The following H2BN1 variants were observed in gnomAD, a reference collection of about 807,000 sequenced individuals.
H2BN1 encodes histone H2B.N.
At chr17:32,904,994 A>G in the H2BN1 span, among the ~76,000 whole-genome samples, 1 of 152,174 alleles carries the variant, frequency 6.6e-6, no homozygotes, top group African/African-American at 2.4e-5. Flanking sequence ...TCTAATGGAG[A>G]AAAAATTAAG....
chr17:32,896,312 C>T, the H2BN1 span, among the ~76,000 whole-genome samples: 3 of 152,142 alleles, frequency 2.0e-5, no homozygotes, highest in African/African-American at 7.2e-5. Flanking sequence ...GATCAGTTTT[C>T]GTCAAATGAT....
At chr17:32,898,106 A>C in the H2BN1 span, among the ~76,000 whole-genome samples, 1 of 151,958 alleles carries the variant, frequency 6.6e-6, no homozygotes, top group African/African-American at 2.4e-5. Context: ...TGTGGACCCC[A>C]AAAATCTGAG....
the H2BN1 span, among the ~76,000 whole-genome samples, chr17:32,902,878 T>C: frequency 6.6e-6 from 1 of 152,080 alleles, no homozygotes. Flanking sequence ...AAGATCATTC[T>C]GTTTTTGGGC....
chr17:32,895,854 G>A, the H2BN1 span, among the ~76,000 whole-genome samples: 1 of 152,088 alleles, frequency 6.6e-6, no homozygotes, highest in Non-Finnish European at 1.5e-5. Context: ...TGTCTCTCTC[G>A]CTCTCGTATC....
At chr17:32,901,907 CT>C in the H2BN1 span, among the ~76,000 whole-genome samples, 1 of 151,950 alleles carries the variant, frequency 6.6e-6, no homozygotes, top group Non-Finnish European at 1.5e-5. Context: ...GATCATTATA[CT>C]TTCTCTTTAA....
the H2BN1 span, among the ~76,000 whole-genome samples, chr17:32,901,385 T>C: frequency 4.6e-5 from 7 of 152,214 alleles, no homozygotes; most frequent in African/African-American, 1.7e-4. Flanking sequence ...ATAGGGAAAC[T>C]GAACTTATTT....
At chr17:32,896,299 A>G in the H2BN1 span, among the ~76,000 whole-genome samples, 3 of 152,200 alleles carry the variant, frequency 2.0e-5, no homozygotes, top group Non-Finnish European at 2.9e-5. Context: ...GAAGAGTGGC[A>G]TAGATCAGTT....
chr17:32,906,025 TTTATTA>T, the H2BN1 span, among the ~76,000 whole-genome samples: 1 of 152,106 alleles, frequency 6.6e-6, no homozygotes, highest in Non-Finnish European at 1.5e-5. Flanking sequence ...CTTTAGGTGG[TTTATTA>T]TTATTTTTTA....
the H2BN1 span, among the ~76,000 whole-genome samples, chr17:32,903,530 G>GT: frequency 1.3e-5 from 2 of 152,106 alleles, no homozygotes; most frequent in African/African-American, 2.4e-5. Context: ...ACACCTTATA[G>GT]TTTTTACTTC....
chr17:32,896,905 G>A, the H2BN1 span, among the ~76,000 whole-genome samples: 3 of 152,188 alleles, frequency 2.0e-5, no homozygotes, highest in Non-Finnish European at 4.4e-5. Flanking sequence ...AGAGCCTGTA[G>A]GGCTGGTAGG....
chr17:32,895,859 C>T, the H2BN1 span, among the ~76,000 whole-genome samples: 23 of 152,166 alleles, frequency 1.5e-4, no homozygotes, highest in Non-Finnish European at 2.5e-4. Flanking sequence ...CTCTCGCTCT[C>T]GTATCTGTTG....
At chr17:32,905,299 T>A in the H2BN1 span, among the ~76,000 whole-genome samples, 2 of 152,170 alleles carry the variant, frequency 1.3e-5, no homozygotes, top group Admixed American at 1.3e-4. Flanking sequence ...CTTGACTAAA[T>A]TTGGGGAGAT....
the H2BN1 span, among the ~76,000 whole-genome samples, chr17:32,902,579 G>C: frequency 0.14 from 21,770 of 152,174 alleles, 2,003 homozygotes; most frequent in Middle Eastern, 0.25. Flanking sequence ...AGTGGCTCAC[G>C]CCTGTAATCC....
At chr17:32,897,441 T>C in the H2BN1 span, among the ~76,000 whole-genome samples, 1 of 151,960 alleles carries the variant, frequency 6.6e-6, no homozygotes, top group Admixed American at 6.6e-5. Flanking sequence ...TTGCTCCATA[T>C]GTCTCATGTC....
At chr17:32,902,712 C>T in the H2BN1 span, among the ~76,000 whole-genome samples, 1 of 152,020 alleles carries the variant, frequency 6.6e-6, no homozygotes, top group Admixed American at 6.6e-5. Context: ...TGGTGGTGGG[C>T]ACCTGTAGTC....
chr17:32,897,357 T>TCACACA, the H2BN1 span, among the ~76,000 whole-genome samples: 1 of 56,240 alleles, frequency 1.8e-5, no homozygotes, highest in Non-Finnish European at 3.8e-5. Flanking sequence ...TCTCTCTGTC[T>TCACACA]TACACACACA....
chr17:32,895,850 T>C, the H2BN1 span, among the ~76,000 whole-genome samples: 1 of 152,210 alleles, frequency 6.6e-6, no homozygotes, highest in Non-Finnish European at 1.5e-5. Context: ...TGAATGTCTC[T>C]CTCGCTCTCG....
At chr17:32,902,229 A>T in the H2BN1 span, among the ~76,000 whole-genome samples, 1 of 152,138 alleles carries the variant, frequency 6.6e-6, no homozygotes, top group Non-Finnish European at 1.5e-5. Context: ...GACAGAAGTC[A>T]TTTACCTAGA....
At chr17:32,897,386 C>T in the H2BN1 span, among the ~76,000 whole-genome samples, 1 of 151,142 alleles carries the variant, frequency 6.6e-6, no homozygotes, top group East Asian at 1.9e-4. Context: ...CACACACACA[C>T]ACACACACAG....
Sources: allele counts gnomAD v4.1 joint callset (sites outside exome capture counted in the v4.1 genomes callset), GRCh38; gene constraint gnomAD v4.1.1; transcripts MANE v1.5; gene names NCBI Gene and HGNC (gene_info 2026-07-23, HGNC 2026-07-21).